Variants in NOTCH2NLA observed in about 807,000 individuals in gnomAD.
The protein encoded by NOTCH2NLA is notch 2 N-terminal like A.
At position 146,186,128 on chromosome 1, in the gene NOTCH2NLA, A is replaced by G. The variant is rs1284044746; in HGVS notation, c.38+3172T>C. ...GACCCTGCCACTCCTAAATATGCTA[A>G]TATTACTTTTGCTGAGGTAGGGAAT... On this transcript the variant is annotated intron_variant, in intron 2 of 4. Coordinates refer to ENST00000362074, the Ensembl canonical transcript of NOTCH2NLA. 1.5e-5 allele frequency among the ~76,000 whole-genome samples: 2 copies of G among 134,132 alleles called. 1 individual carries two copies. Among genetic ancestry groups the G allele is most frequent in the Non-Finnish European group, 3.4e-5 (2 of 58,000 alleles). The allele number at this position is 134,132 out of a possible 152,430, so 88.0% of individuals were successfully genotyped here.
intron 3 of NOTCH2NLA, among the ~76,000 whole-genome samples, chr1:146,159,448 A>AAAGAAAGG (rs1661374130): frequency 1.4e-5 from 2 of 138,982 alleles, no homozygotes; most frequent in East Asian, 2.1e-4. Context: ...AGAAAGAAAG[A>AAAGAAAGG]GAAAGAAAGA....
intron 2 of NOTCH2NLA, among the ~76,000 whole-genome samples, chr1:146,186,450 G>A (rs61815742): frequency 6.9e-6 from 1 of 145,166 alleles, no homozygotes; most frequent in Non-Finnish European, 1.6e-5. Context: ...CGCCTCCTGG[G>A]TTCAGGCCAT....
intron 1 of NOTCH2NLA, among the ~76,000 whole-genome samples, chr1:146,200,424 G>GGA (rs57328876): frequency 1.2e-4 from 2 of 16,438 alleles, no homozygotes; most frequent in Non-Finnish European, 2.2e-4. Context: ...CTCTGCCTGA[G>GGA]AAAAAAAAAA....
At chr1:146,159,709 C>T (rs1553803853) in intron 3 of NOTCH2NLA, among the ~76,000 whole-genome samples, 1 of 118,144 alleles carries the variant, frequency 8.5e-6, no homozygotes, top group African/African-American at 3.0e-5. Flanking sequence ...GTGGCTCACA[C>T]CTGTAATCCC....
intron 1 of NOTCH2NLA, 163 bp downstream of exon 1, chr1:146,228,546 G>C (rs1553820361): frequency 1.1e-6 from 1 of 877,160 alleles, no homozygotes; most frequent in Non-Finnish European, 1.4e-6. Flanking sequence ...CACGGGAGGG[G>C]CCCCCGGCGA....
chr1:146,200,424 GAAAAA>G (rs1173459520), intron 1 of NOTCH2NLA, among the ~76,000 whole-genome samples: 1 of 16,430 alleles, frequency 6.1e-5, no homozygotes, highest in Non-Finnish European at 1.1e-4. Context: ...CTCTGCCTGA[GAAAAA>G]AAAAAAAAAA....
intron 2 of NOTCH2NLA, among the ~76,000 whole-genome samples, chr1:146,187,788 T>C (rs1662855162): frequency 7.3e-6 from 1 of 136,482 alleles, no homozygotes; most frequent in Admixed American, 7.6e-5. Context: ...AGGTATTAAG[T>C]TCCCTCCCTT....
Position 146,159,184 on chromosome 1 carries a change from G to A in NOTCH2NLA, c.299-2369C>T, listed in dbSNP as rs1371310406. ...ACCAGCCTGGCCAACACGGTGAAAC[G>A]CCATCTTTTCTAAAAATACAAAAAT... On this transcript the variant is annotated intron_variant, in intron 3 of 4. Transcript: ENST00000362074. Among the ~76,000 whole-genome samples, 217 of 151,822 alleles carry A rather than the reference G, an allele frequency of 1.4e-3. 1 individual carries two copies. The highest frequency in any genetic ancestry group is 2.5e-3 in the Non-Finnish European group (173 of 67,912).
intron 1 of NOTCH2NLA, 119 bp downstream of exon 1, chr1:146,228,590 C>A (rs1553820377): frequency 7.2e-7 from 1 of 1,381,308 alleles, no homozygotes; most frequent in Non-Finnish European, 9.5e-7. Context: ...CGAGTGGCCT[C>A]GCTCCGCGCC....
chr1:146,158,144 A>C (rs1661256559), intron 3 of NOTCH2NLA, among the ~76,000 whole-genome samples: 2 of 152,010 alleles, frequency 1.3e-5, no homozygotes, highest in African/African-American at 2.4e-5. Context: ...TAAACTACAG[A>C]GATAAGAACT....
intron 1 of NOTCH2NLA, chr1:146,228,231 C>T (rs1553820205): frequency 2.6e-5 from 5 of 192,924 alleles, no homozygotes; most frequent in Non-Finnish European, 4.7e-5. Context: ...GCGAGGCTGG[C>T]TGCGAAGGTG....
chr1:146,226,022 AG>A lies in NOTCH2NLA; in HGVS notation c.-45+2686del, dbSNP rs1664217709. Among the ~76,000 whole-genome samples the A allele has an allele frequency of 4.5e-5, 4 of 89,862 alleles. No homozygotes were observed. The South Asian group carries it at 1.6e-3, about 37-fold the overall frequency. 59.0% of individuals were successfully genotyped at this position (89,862 alleles called of 152,430 possible). On this transcript the variant is annotated intron_variant, in intron 1 of 4. Transcript: ENST00000362074. ...GCAACTACAATCCAGGTGAACCAAA[AG>A]TTGCTTCTCTATGTCATAGAAGCCT...
At chr1:146,188,118 G>A in intron 2 of NOTCH2NLA, among the ~76,000 whole-genome samples, 1 of 121,740 alleles carries the variant, frequency 8.2e-6, no homozygotes, top group South Asian at 2.7e-4. Flanking sequence ...AAATGTGTTG[G>A]ATAAACTCAC....
intron 1 of NOTCH2NLA, among the ~76,000 whole-genome samples, chr1:146,201,038 CA>C (rs1454812979): frequency 4.2e-5 from 1 of 23,840 alleles, no homozygotes; most frequent in East Asian, 5.0e-4. Flanking sequence ...CTAGAGAGGT[CA>C]AAAGATTTCT....
At chr1:146,184,711 AG>A (rs1662679384) in intron 2 of NOTCH2NLA, among the ~76,000 whole-genome samples, 1 of 19,930 alleles carries the variant, frequency 5.0e-5, no homozygotes, top group African/African-American at 1.4e-4. Flanking sequence ...AAGACTGAGC[AG>A]AAGGCTCCTG....
chr1:146,228,930 C>G (rs1553820610), exon 1 of NOTCH2NLA: 4 of 1,465,666 alleles, frequency 2.7e-6, no homozygotes, highest in South Asian at 2.6e-5. Context: ...AAGCCCAGCG[C>G]AAATGCCTCG....
Position 146,187,583 on chromosome 1 carries a change from G to A in NOTCH2NLA, c.38+1717C>T, listed in dbSNP as rs1662844616. ...ACATTGCTGAACAATAACTACACCAGGCACTGTACTAGGCATTAACTATGC... is the reference window on the plus strand; with the variant it reads ...ACATTGCTGAACAATAACTACACCAAGCACTGTACTAGGCATTAACTATGC... On this transcript the variant is annotated intron_variant, in intron 2 of 4. Coordinates refer to ENST00000362074, the Ensembl canonical transcript of NOTCH2NLA. 2.2e-5 allele frequency among the ~76,000 whole-genome samples: 3 copies of A among 135,740 alleles called. 1 individual carries two copies. Among genetic ancestry groups the A allele is most frequent in the Non-Finnish European group, 3.4e-5 (2 of 58,672 alleles). The allele number at this position is 135,740 out of a possible 152,430, so 89.1% of individuals were successfully genotyped here.
intron 1 of NOTCH2NLA, among the ~76,000 whole-genome samples, chr1:146,198,797 T>C (rs1553813256): frequency 3.1e-5 from 3 of 97,050 alleles, no homozygotes; most frequent in African/African-American, 1.0e-4. Context: ...AAAGCTTTTT[T>C]TTTTTTTTTT....
rs868976851 is a variant in NOTCH2NLA, at chr1:146,171,417, C to A, written c.39-6407G>T. ...CTGCACTCCAGCCTGGGCAACAGAG[C>A]GAGACTCCCTCTCAAAAAAAAAAAA... On this transcript the variant is annotated intron_variant, in intron 2 of 4. Coordinates refer to ENST00000362074, the Ensembl canonical transcript of NOTCH2NLA. 5.0e-5 allele frequency among the ~76,000 whole-genome samples: 7 copies of A among 139,718 alleles called. 1 individual carries two copies. In the Admixed American group the frequency reaches 5.2e-4, roughly 10 times the overall value. The allele number at this position is 139,718 out of a possible 152,430, so 91.7% of individuals were successfully genotyped here.
Sources: allele counts gnomAD v4.1 joint callset (sites outside exome capture counted in the v4.1 genomes callset), GRCh38; gene constraint gnomAD v4.1.1; transcripts MANE v1.5; gene names NCBI Gene and HGNC (gene_info 2026-07-23, HGNC 2026-07-21).